Variants in KCNH7 observed in about 807,000 individuals in gnomAD.
KCNH7 encodes the protein potassium voltage-gated channel subfamily H member 7.
KCNH7 carries 49 observed loss-of-function variants against 120.8 expected under a neutral mutation model. The observed-to-expected ratio is 0.41, with a 90% CI of 0.32 to 0.51. The LOEUF (loss-of-function observed/expected upper bound fraction) is 0.51. KCNH7 is among the 20% of genes least tolerant of loss of function. The pLI, the probability that KCNH7 is intolerant of heterozygous loss-of-function variation, is 0.38. For missense variants in KCNH7, 1,097 were observed against 1,446.6 expected (o/e 0.76, Z 3.92); for synonymous variants, 547 against 516.1 (o/e 1.06, Z -0.81).
At chr2:162,409,750 A>C (rs967757570) in intron 9 of KCNH7, among the ~76,000 whole-genome samples, 1 of 152,046 alleles carries the variant, frequency 6.6e-6, no homozygotes, top group Admixed American at 6.6e-5. Flanking sequence ...ATACAAAATC[A>C]ATGTACAAAA....
chr2:162,809,075 G>A (rs1684644530), intron 2 of KCNH7, among the ~76,000 whole-genome samples: 1 of 152,112 alleles, frequency 6.6e-6, no homozygotes, highest in African/African-American at 2.4e-5. Flanking sequence ...AATTTAGATG[G>A]AGTCATTTTC....
intron 2 of KCNH7, among the ~76,000 whole-genome samples, chr2:162,717,166 C>A (rs1004733707): frequency 6.6e-6 from 1 of 151,968 alleles, no homozygotes; most frequent in Admixed American, 6.6e-5. Flanking sequence ...AGACAATGTT[C>A]TTTTTTAAAA....
rs1686760196 is a variant in KCNH7 at position 162,707,594 on chromosome 2, A to AAATACTACTGTAAGGAAGATT, written c.307+128922_307+128942dup. Among the ~76,000 whole-genome samples, 5 of 152,280 alleles carry AAATACTACTGTAAGGAAGATT rather than the reference A, an allele frequency of 3.3e-5. No homozygotes were observed. In the South Asian group the frequency reaches 1.0e-3, roughly 32 times the overall value. ...ACAAAGGTGGTGTCTGTGAGTGAATAAATACTACTGTAAGGAAGATTAATA... is the reference window on the plus strand; with the variant it reads ...ACAAAGGTGGTGTCTGTGAGTGAATAAATACTACTGTAAGGAAGATTAATACTACTGTAAGGAAGATTAATA... On this transcript the variant is annotated intron_variant, in intron 2 of 15. Coordinates refer to ENST00000332142, the MANE Select transcript of KCNH7 (RefSeq NM_033272.4).
At chr2:162,776,599 G>A (rs754494583) in intron 2 of KCNH7, among the ~76,000 whole-genome samples, 117 of 152,028 alleles carry the variant, frequency 7.7e-4, no homozygotes, top group Non-Finnish European at 1.5e-3. Flanking sequence ...CATTGGGAGA[G>A]GGAAGAGAGG....
At chr2:162,656,362 C>G (rs1684761767) in intron 2 of KCNH7, among the ~76,000 whole-genome samples, 1 of 152,134 alleles carries the variant, frequency 6.6e-6, no homozygotes, top group African/African-American at 2.4e-5. Context: ...CACACATGCA[C>G]AACATAATAC....
chr2:162,597,190 G>C (rs2105944337), intron 2 of KCNH7, among the ~76,000 whole-genome samples: 1 of 152,102 alleles, frequency 6.6e-6, no homozygotes. Context: ...TCCCACTTTT[G>C]GGTGATACAT....
At chr2:162,459,438 C>T (rs1689078027) in intron 6 of KCNH7, among the ~76,000 whole-genome samples, 1 of 152,094 alleles carries the variant, frequency 6.6e-6, no homozygotes, top group African/African-American at 2.4e-5. Flanking sequence ...ATGTGTCTGC[C>T]TTGTCGAGAA....
chr2:162,736,147 G>A (rs1040513970), intron 2 of KCNH7, among the ~76,000 whole-genome samples: 1 of 152,140 alleles, frequency 6.6e-6, no homozygotes, highest in Non-Finnish European at 1.5e-5. Flanking sequence ...CTTTCTCCCT[G>A]AGTCCACTGG....
chr2:162,540,102 T>C (rs1237625742), intron 2 of KCNH7, among the ~76,000 whole-genome samples: 2 of 151,602 alleles, frequency 1.3e-5, no homozygotes, highest in African/African-American at 2.4e-5. Flanking sequence ...GAAAAAAAAA[T>C]AGACATCTAA....
intron 6 of KCNH7, among the ~76,000 whole-genome samples, chr2:162,473,638 T>C (rs1355827205): frequency 2.6e-5 from 4 of 152,186 alleles, no homozygotes; most frequent in Non-Finnish European, 5.9e-5. Context: ...TAAGGACATA[T>C]TTATTATATG....
chr2:162,619,777 C>A (rs1211109374), intron 2 of KCNH7, among the ~76,000 whole-genome samples: 5 of 152,054 alleles, frequency 3.3e-5, no homozygotes, highest in Non-Finnish European at 7.4e-5. Flanking sequence ...AACGCATCTT[C>A]TTCTACAAGA....
intron 2 of KCNH7, among the ~76,000 whole-genome samples, chr2:162,822,116 C>A (rs998994677): frequency 6.8e-6 from 1 of 147,472 alleles, no homozygotes; most frequent in Non-Finnish European, 1.5e-5. Context: ...TAAAATTTTA[C>A]ATTTTAAATT....
At chr2:162,717,948 C>G (rs956017414) in intron 2 of KCNH7, among the ~76,000 whole-genome samples, 2 of 152,024 alleles carry the variant, frequency 1.3e-5, no homozygotes, top group Non-Finnish European at 2.9e-5. Flanking sequence ...CCACATTTAA[C>G]TGACATGATT....
At position 162,722,813 on chromosome 2, in the gene KCNH7, C is replaced by CTTTTTTTTTTTTT. The variant is rs894023630; in HGVS notation, c.307+113711_307+113723dup. ...AATCCTTTTCATTCATTCTTTTTTT[C>CTTTTTTTTTTTTT]TTTTTTTTTTTTTTTTTTGCTTCTC... On this transcript the variant is annotated intron_variant, in intron 2 of 15. Transcript: ENST00000332142. Among the ~76,000 whole-genome samples, 305 of 85,022 alleles carry CTTTTTTTTTTTTT rather than the reference C, an allele frequency of 3.6e-3. 14 individuals are homozygous for CTTTTTTTTTTTTT. The highest frequency in any genetic ancestry group is 0.017 in the East Asian group (38 of 2,258). The allele number at this position is 85,022 out of a possible 152,430, so 55.8% of individuals were successfully genotyped here. A position where few individuals can be genotyped will look rare whatever the true frequency, so the allele number is the denominator to read the frequency against.
chr2:162,464,443 T>C (rs895604434), intron 6 of KCNH7, among the ~76,000 whole-genome samples: 3 of 151,990 alleles, frequency 2.0e-5, no homozygotes, highest in African/African-American at 7.2e-5. Flanking sequence ...AAAAGTATTA[T>C]GCAAGTGACA....
At chr2:162,759,034 AC>A (rs1688881246) in intron 2 of KCNH7, among the ~76,000 whole-genome samples, 1 of 151,432 alleles carries the variant, frequency 6.6e-6, no homozygotes, top group African/African-American at 2.4e-5. Flanking sequence ...GAAATTTTTG[AC>A]TCCTCATGAA....
At chr2:162,716,566 A>G (rs1178875097) in intron 2 of KCNH7, among the ~76,000 whole-genome samples, 2 of 152,134 alleles carry the variant, frequency 1.3e-5, no homozygotes, top group African/African-American at 4.8e-5. Context: ...TATCCAGCTA[A>G]TATAGTATTG....
At chr2:162,692,525 T>C (rs1559084655) in intron 2 of KCNH7, among the ~76,000 whole-genome samples, 1 of 152,138 alleles carries the variant, frequency 6.6e-6, no homozygotes, top group Non-Finnish European at 1.5e-5. Context: ...ATACTAAATT[T>C]GAAAAGTCTG....
intron 2 of KCNH7, among the ~76,000 whole-genome samples, chr2:162,612,411 T>C (rs1466176614): frequency 6.6e-6 from 1 of 152,162 alleles, no homozygotes; most frequent in East Asian, 1.9e-4. Context: ...AAACATCTCC[T>C]CTAAAAATTA....
Sources: allele counts gnomAD v4.1 joint callset (sites outside exome capture counted in the v4.1 genomes callset), GRCh38; gene constraint gnomAD v4.1.1; transcripts MANE v1.5; gene names NCBI Gene and HGNC (gene_info 2026-07-23, HGNC 2026-07-21).